CHAF1A: variants seen among roughly 807,000 people sequenced by gnomAD.
CHAF1A encodes the protein chromatin assembly factor 1 subunit A.
Under a neutral mutation model 93.2 loss-of-function variants are expected in CHAF1A, and 5 were observed. The ratio of observed to expected loss-of-function variants is 0.05; its 90% confidence interval spans 0.03 to 0.11. The LOEUF is 0.11. CHAF1A is among the 10% of genes least tolerant of loss of function. The pLI is 1.00. For synonymous variants in CHAF1A, 504 were observed against 510.3 expected (o/e 0.99, Z 0.17); for missense variants, 1,102 against 1,259.9 (o/e 0.87, Z 1.90).
rs1568180237 is a variant in CHAF1A, at chr19:4,432,223, G to A, written c.2203+16G>A. 6.3e-7 allele frequency: 1 copy of A among 1,583,982 alleles called. No homozygotes were observed. The highest frequency in any genetic ancestry group is 1.1e-5 in the South Asian group (1 of 89,322). ...GACGAGCAGAGTGAGTGTGGGCGGG[G>A]CCAGGCCACCCACCTGTTCCTGGGC... On this transcript the variant is annotated intron_variant, in intron 12 of 14. Coordinates refer to ENST00000301280, the MANE Select transcript of CHAF1A (RefSeq NM_005483.3).
chr19:4,449,733 T>A (rs1254011862), downstream of CHAF1A: 3 of 152,102 alleles, frequency 2.0e-5, no homozygotes, highest in Non-Finnish European at 4.4e-5. Context: ...CATACAGGAA[T>A]GTACTTTGTG....
At chr19:4,405,827 G>T (rs1310385823) in intron 1 of CHAF1A, 85 bp from the exon 2 acceptor site, 4 of 1,213,140 alleles carry the variant, frequency 3.3e-6, no homozygotes, top group East Asian at 2.3e-5. Flanking sequence ...CCTCCACCTT[G>T]TACATAATTG....
chr19:4,402,963 C>G, intron 1 of CHAF1A, 149 bp downstream of exon 1: 1 of 379,426 alleles, frequency 2.6e-6, no homozygotes, highest in Non-Finnish European at 4.4e-6. Context: ...TCATCCCCAG[C>G]GAGGGCCTGG....
intron 5 of CHAF1A, 62 bp from the exon 6 acceptor site, chr19:4,423,273 G>T: frequency 6.2e-7 from 1 of 1,606,088 alleles, no homozygotes; most frequent in Non-Finnish European, 8.5e-7. Context: ...ACAGTTGAGT[G>T]CTGCGGTCCC....
At chr19:4,431,414 C>T (rs1275213886) in intron 11 of CHAF1A, among the ~76,000 whole-genome samples, 1 of 152,166 alleles carries the variant, frequency 6.6e-6, no homozygotes, top group African/African-American at 2.4e-5. Context: ...CAGGCATGAG[C>T]CACCGAGCCC....
chr19:4,446,554 G>C (rs1974529039), downstream of CHAF1A: 20 of 1,612,372 alleles, frequency 1.2e-5, no homozygotes, highest in Non-Finnish European at 1.6e-5. Flanking sequence ...GAAGTCCCCA[G>C]GCAGTTCGAA....
Position 4,424,823 on chromosome 19 carries a change from C to T in CHAF1A, c.1377+949C>T, listed in dbSNP as rs191470700. Reference sequence around the variant, plus strand: ...CTAATTTTTGTATTTTTAGTATAGACGGGGTTTTACCATGTTGGCTAGGCT... The same window carrying T: ...CTAATTTTTGTATTTTTAGTATAGATGGGGTTTTACCATGTTGGCTAGGCT... On this transcript the variant is annotated intron_variant, in intron 7 of 14. Coordinates refer to ENST00000301280, the MANE Select transcript of CHAF1A (RefSeq NM_005483.3). Among the ~76,000 whole-genome samples, 682 of 152,242 alleles carry T rather than the reference C, an allele frequency of 4.5e-3. 3 individuals carry two copies. Among genetic ancestry groups the T allele is most frequent in the Non-Finnish European group, 6.8e-3 (460 of 68,002 alleles).
At chr19:4,417,297 A>G (rs1439745353) in intron 3 of CHAF1A, among the ~76,000 whole-genome samples, 1 of 151,978 alleles carries the variant, frequency 6.6e-6, no homozygotes. Context: ...ACCTAAAAAA[A>G]TTCATATGAA....
chr19:4,448,353 C>G (rs1267868769), downstream of CHAF1A: 1 of 1,610,536 alleles, frequency 6.2e-7, no homozygotes, highest in Admixed American at 1.7e-5. Flanking sequence ...TCACCCGGTC[C>G]TGGTCTTTGT....
At chr19:4,423,289 G>A in intron 5 of CHAF1A, 46 bp from the exon 6 acceptor site, 1 of 1,613,318 alleles carries the variant, frequency 6.2e-7, no homozygotes, top group Non-Finnish European at 8.5e-7. Context: ...GTCCCTTCCA[G>A]AGCCAAAGCA....
rs777908696 is a variant in CHAF1A at position 4,428,901 on chromosome 19, G to A, written c.1604+11G>A. ...AGATATTTTTAACAGGTCAGAGCCT[G>A]AGGAGGTCGGCCTTCACCCACTAGT... is the stretch of plus-strand genomic sequence containing the variant. On this transcript the variant is annotated intron_variant, in intron 8 of 14. Coordinates refer to ENST00000301280, the MANE Select transcript of CHAF1A (RefSeq NM_005483.3). The A allele has an allele frequency of 6.2e-7, 1 of 1,609,624 alleles. No homozygotes were observed. Among genetic ancestry groups the A allele is most frequent in the Admixed American group, 1.7e-5 (1 of 59,984 alleles).
chr19:4,438,289 T>C (rs1974323470), intron 13 of CHAF1A, among the ~76,000 whole-genome samples: 1 of 152,194 alleles, frequency 6.6e-6, no homozygotes, highest in Admixed American at 6.5e-5. Context: ...TGGTTTTCTG[T>C]GCCTGCGTTA....
At chr19:4,405,641 C>A (rs952759279) in intron 1 of CHAF1A, among the ~76,000 whole-genome samples, 1 of 151,004 alleles carries the variant, frequency 6.6e-6, no homozygotes, top group African/African-American at 2.4e-5. Flanking sequence ...TTTTTTGGCC[C>A]ATATAATTCT....
intron 13 of CHAF1A, among the ~76,000 whole-genome samples, chr19:4,441,957 C>T (rs7258012): frequency 0.37 from 55,552 of 152,134 alleles, 10,467 homozygotes; most frequent in Non-Finnish European, 0.42. Flanking sequence ...ATCAGGTATG[C>T]GGCCTGTCAC....
downstream of CHAF1A, chr19:4,445,302 C>T: frequency 2.2e-6 from 2 of 895,128 alleles, no homozygotes; most frequent in Non-Finnish European, 3.4e-6. Context: ...GGCTTGGGCG[C>T]ATCCCCACAG....
intron 2 of CHAF1A, among the ~76,000 whole-genome samples, chr19:4,406,791 G>A (rs1315153655): frequency 6.6e-6 from 1 of 152,114 alleles, no homozygotes; most frequent in Non-Finnish European, 1.5e-5. Flanking sequence ...TGGGTGCAGT[G>A]TTGCATACCT....
At chr19:4,412,681 CTG>C (rs1328068021) in intron 3 of CHAF1A, among the ~76,000 whole-genome samples, 3 of 152,248 alleles carry the variant, frequency 2.0e-5, no homozygotes, top group African/African-American at 7.2e-5. Flanking sequence ...TCTAAAACAA[CTG>C]AGCACATGAA....
chr19:4,417,941 G>T, intron 3 of CHAF1A, 79 bp from the exon 4 acceptor site: 2 of 1,010,400 alleles, frequency 2.0e-6, no homozygotes, highest in South Asian at 1.4e-5. Context: ...TGGAAAAACT[G>T]ATCACCTGGA....
chr19:4,409,100 T>C lies in CHAF1A; in HGVS notation c.301T>C (p.Phe101Leu), dbSNP rs1973740450. The C allele has an allele frequency of 6.2e-7, 1 of 1,614,202 alleles. No homozygotes were observed. The highest frequency in any genetic ancestry group is 1.3e-5 in the African/African-American group (1 of 75,044). ...LVNGKGPLDN[F>L]LRNRIETSIG... The stretch of plus-strand genomic sequence containing the variant: ...CAACGGGAAGGGTCCCTTAGATAAC[T>C]TTTTAAGAAATAGAATCGAAACCAG... The change falls in exon 3 of 15, where the codon TTT becomes CTT. Residue 101 changes from phenylalanine to leucine, a missense_variant. Around this residue, in one of 6 missense-constraint regions of CHAF1A, gnomAD observed 379 missense variants for 365.7 expected, o/e 1.04. Transcript: ENST00000301280.
Sources: gnomAD v4.1 joint callset for allele counts (sites outside exome capture counted in the v4.1 genomes callset) on GRCh38, gnomAD v4.1.1 for gene constraint, gnomAD v4.1.1 regional missense constraint, MANE v1.5 for transcripts, NCBI Gene and HGNC (gene_info 2026-07-23, HGNC 2026-07-21) for gene names.